Variants in NHERF2 observed in about 807,000 individuals in gnomAD.
NHERF2 encodes the protein Na(+)/H(+) exchange regulatory cofactor NHE-RF2.
At chr16:2,036,673 G>C in the NHERF2 span, 2 of 1,592,870 alleles carry the variant, frequency 1.3e-6, no homozygotes, top group African/African-American at 1.3e-5. Context: ...CTGGCCACGC[G>C]GCGTTGGGGG....
chr16:2,035,767 A>G, the NHERF2 span: 1 of 808,750 alleles, frequency 1.2e-6, no homozygotes, highest in Non-Finnish European at 1.5e-6. Flanking sequence ...TGCCCTGTCC[A>G]CACTAAGCTC....
the NHERF2 span, chr16:2,036,221 G>A: frequency 6.5e-6 from 8 of 1,225,928 alleles, no homozygotes; most frequent in African/African-American, 4.5e-5. Flanking sequence ...CCTGCCCGTG[G>A]GGGGCACGGT....
chr16:2,027,142 A>C, the NHERF2 span: 1 of 1,474,762 alleles, frequency 6.8e-7, no homozygotes, highest in Non-Finnish European at 8.9e-7. Flanking sequence ...TCCCCCGCCG[A>C]GGCCGCCGCG....
At chr16:2,036,972 G>A in the NHERF2 span, 213 of 1,553,140 alleles carry the variant, frequency 1.4e-4, 2 homozygotes, top group East Asian at 2.1e-3. Context: ...GCCGTCACCC[G>A]TCACCAATGG....
the NHERF2 span, chr16:2,036,528 G>C: frequency 1.9e-6 from 3 of 1,562,202 alleles, no homozygotes; most frequent in Admixed American, 5.6e-5. Flanking sequence ...GGGCTGCGGG[G>C]TGCCGAGTGC....
the NHERF2 span, chr16:2,035,401 G>A: frequency 2.0e-6 from 2 of 985,862 alleles, no homozygotes; most frequent in East Asian, 1.1e-4. Context: ...CCCTGGCCTG[G>A]CCTGGCCTGT....
At chr16:2,036,320 G>T in the NHERF2 span, 19 of 1,603,994 alleles carry the variant, frequency 1.2e-5, no homozygotes, top group East Asian at 3.8e-4. Context: ...CGTTGGGCCT[G>T]CAGGATGTCA....
At chr16:2,027,059 G>T in the NHERF2 span, 17 of 1,413,436 alleles carry the variant, frequency 1.2e-5, no homozygotes, top group East Asian at 5.1e-4. Flanking sequence ...TGCGCGGAGA[G>T]CAGGGCTACG....
At chr16:2,036,851 C>T in the NHERF2 span, 59 of 1,611,860 alleles carry the variant, frequency 3.7e-5, no homozygotes, top group South Asian at 1.1e-4. Flanking sequence ...CAAGCGGCTT[C>T]GGGTCACACC....
chr16:2,027,096 C>A, the NHERF2 span: 1 of 1,463,568 alleles, frequency 6.8e-7, no homozygotes. Flanking sequence ...CGAGAAGGGC[C>A]GCCGCGGGCA....
chr16:2,036,761 G>A, the NHERF2 span: 1 of 1,613,214 alleles, frequency 6.2e-7, no homozygotes, highest in East Asian at 2.2e-5. Flanking sequence ...ACTGCGCCAT[G>A]CTGAGGTGGT....
chr16:2,026,955 C>G, the NHERF2 span: 2 of 817,926 alleles, frequency 2.4e-6, no homozygotes, highest in Non-Finnish European at 2.9e-6. Flanking sequence ...GCCGCCGCCC[C>G]CGAGCTCCCC....
chr16:2,036,403 T>G, the NHERF2 span: 1 of 1,609,860 alleles, frequency 6.2e-7, no homozygotes, highest in Non-Finnish European at 8.5e-7. Flanking sequence ...GGGTTCAACC[T>G]GCATAGTGAC....
chr16:2,038,273 G>A, the NHERF2 span: 2 of 553,638 alleles, frequency 3.6e-6, no homozygotes, highest in Admixed American at 3.1e-5. Context: ...GCGAGCGAGC[G>A]CGCGGCAGCC....
At chr16:2,029,574 C>T in the NHERF2 span, 17 of 1,561,848 alleles carry the variant, frequency 1.1e-5, no homozygotes, top group African/African-American at 4.1e-5. Context: ...ATCGCCCATT[C>T]GCCCCAGGTG....
the NHERF2 span, chr16:2,036,121 G>A: frequency 1.1e-5 from 6 of 545,282 alleles, no homozygotes; most frequent in Non-Finnish European, 1.9e-5. Flanking sequence ...AGGCTTCTGG[G>A]TTTGAAAACA....
chr16:2,029,278 C>T, the NHERF2 span, among the ~76,000 whole-genome samples: 71 of 152,348 alleles, frequency 4.7e-4, no homozygotes, highest in Admixed American at 8.5e-4. Context: ...ACTTACCCAG[C>T]GGCCCTATCC....
the NHERF2 span, chr16:2,027,126 C>A: frequency 6.8e-7 from 1 of 1,467,692 alleles, no homozygotes; most frequent in Admixed American, 2.3e-5. Context: ...GCGCGTGGAA[C>A]CCGGTTCCCC....
At chr16:2,031,746 T>G in the NHERF2 span, among the ~76,000 whole-genome samples, 1 of 152,152 alleles carries the variant, frequency 6.6e-6, no homozygotes, top group Non-Finnish European at 1.5e-5. Context: ...AGGTTTCTTT[T>G]TCTTTTTCTT....
Sources: allele counts gnomAD v4.1 joint callset (sites outside exome capture counted in the v4.1 genomes callset), GRCh38; gene constraint gnomAD v4.1.1; transcripts MANE v1.5; gene names NCBI Gene and HGNC (gene_info 2026-07-23, HGNC 2026-07-21).